The following CLCN4 variants were observed in gnomAD, a reference collection of about 807,000 sequenced individuals.
CLCN4 encodes Cl-/H+ antiporter 4.
CLCN4 carries 1 observed loss-of-function variant against 41.7 expected under a neutral mutation model. That is an observed-to-expected ratio of 0.02 (90% CI 0.01 to 0.11). CLCN4 has a LOEUF of 0.11. Ranked by LOEUF, CLCN4 falls within the 10% of genes least tolerant of loss-of-function variation. The probability of loss-of-function intolerance (pLI) is 1.00; values close to 1 mark genes in which losing one functional copy is unlikely to be tolerated. For synonymous variants in CLCN4, 277 were observed against 285.8 expected, an observed-to-expected ratio of 0.97 and a Z score of 0.31; for missense variants, 287 against 661.0, an observed-to-expected ratio of 0.43 and a Z score of 6.20.
intron 2 of CLCN4, among the ~76,000 whole-genome samples, chrX:10,163,260 G>A (rs1375733756): frequency 8.9e-6 from 1 of 112,640 alleles, no homozygotes; most frequent in Non-Finnish European, 1.9e-5. Flanking sequence ...GAGGTGTGTG[G>A]GGACAGTCCC....
At chrX:10,191,108 AC>A (rs1398021383) in intron 4 of CLCN4, among the ~76,000 whole-genome samples, 1 of 111,778 alleles carries the variant, frequency 8.9e-6, no homozygotes, top group African/African-American at 3.3e-5. Context: ...GAGTTGTACA[AC>A]CATCACCGTG....
At chrX:10,228,529 T>A (rs781256892) in intron 12 of CLCN4, among the ~76,000 whole-genome samples, 1 of 111,321 alleles carries the variant, frequency 9.0e-6, no homozygotes, top group Non-Finnish European at 1.9e-5. Context: ...TCCTTAAGTA[T>A]CCAGATTCCT....
chrX:10,211,880 G>A (rs1175868050), intron 9 of CLCN4, among the ~76,000 whole-genome samples: 1 of 111,852 alleles, frequency 8.9e-6, no homozygotes, highest in Non-Finnish European at 1.9e-5. Context: ...ATACTTATTA[G>A]AAAATGTACT....
At chrX:10,203,908 A>G (rs889302188) in intron 6 of CLCN4, among the ~76,000 whole-genome samples, 29 of 111,839 alleles carry the variant, frequency 2.6e-4, no homozygotes, top group African/African-American at 9.1e-4. Flanking sequence ...CTGACAAGAG[A>G]TAACCTTGTC....
At chrX:10,167,818 G>C (rs188121795) in intron 2 of CLCN4, among the ~76,000 whole-genome samples, 342 of 112,745 alleles carry the variant, frequency 3.0e-3, no homozygotes, top group Middle Eastern at 0.014. Context: ...CATAGAAACC[G>C]TGTGAATGGT....
intron 11 of CLCN4, among the ~76,000 whole-genome samples, chrX:10,220,000 A>G (rs1453900526): frequency 8.9e-6 from 1 of 111,801 alleles, no homozygotes; most frequent in African/African-American, 3.3e-5. Flanking sequence ...GCTAATTGCT[A>G]CCATAACAGT....
intron 2 of CLCN4, among the ~76,000 whole-genome samples, chrX:10,169,055 G>A (rs1923316847): frequency 9.0e-6 from 1 of 110,894 alleles, no homozygotes; most frequent in South Asian, 3.8e-4. Flanking sequence ...GTTCGATTAT[G>A]CTATGCCTTG....
chrX:10,184,924 A>T, intron 2 of CLCN4, 98 bp from the exon 3 acceptor site: 1 of 658,694 alleles, frequency 1.5e-6, no homozygotes, highest in Non-Finnish European at 2.3e-6. Flanking sequence ...TGCTGAAATA[A>T]TTTTTCTTAT....
Position 10,206,345 on chromosome X carries a change from TCC to T in CLCN4, c.556-12_556-11del, listed in dbSNP as rs1350022130. ...GGAGTTCATTCCCTCTTGTTCTCCA[TCC>T]TCTGTTTCAGATAAAGACCATTTTG... On this transcript the variant is annotated splice_polypyrimidine_tract_variant and intron_variant, in intron 6 of 12. Coordinates refer to ENST00000380833, the MANE Select transcript of CLCN4 (RefSeq NM_001830.4). 1 of 1,180,619 alleles carries T rather than the reference TCC, an allele frequency of 8.5e-7. No homozygotes were observed. The highest frequency in any genetic ancestry group is 3.0e-5 in the East Asian group (1 of 33,736).
At chrX:10,223,394 T>G (rs970470139) in intron 12 of CLCN4, among the ~76,000 whole-genome samples, 1 of 111,209 alleles carries the variant, frequency 9.0e-6, no homozygotes, top group Admixed American at 9.5e-5. Context: ...GTGCCGAAAT[T>G]GGCTCTGAAT....
At chrX:10,175,935 C>T (rs112146437) in intron 2 of CLCN4, among the ~76,000 whole-genome samples, 1 of 57,958 alleles carries the variant, frequency 1.7e-5, no homozygotes, top group Non-Finnish European at 2.9e-5. Context: ...TCTCCCCCTC[C>T]CTCCCTCTCC....
At chrX:10,171,088 A>G (rs979645412) in intron 2 of CLCN4, among the ~76,000 whole-genome samples, 2 of 111,607 alleles carry the variant, frequency 1.8e-5, no homozygotes, top group Middle Eastern at 4.6e-3. Context: ...GAGTTTTACC[A>G]TGTTGGTCAG....
intron 3 of CLCN4, among the ~76,000 whole-genome samples, 169 bp from the exon 4 acceptor site, chrX:10,187,346 G>A (rs376467830): frequency 2.7e-5 from 3 of 112,085 alleles, no homozygotes; most frequent in African/African-American, 9.7e-5. Context: ...AAAGCTCGTC[G>A]TACCGTTGCG....
rs1049770598 is a variant in CLCN4 at position 10,193,452 on chromosome X, T to C, written c.245-1459T>C. Reference sequence around the variant, plus strand: ...GGGTCAAGCTTTGAGGAAATGGCCTTTAGAAGTTGGGTGGAGGAGTCAGAA... The same window carrying C: ...GGGTCAAGCTTTGAGGAAATGGCCTCTAGAAGTTGGGTGGAGGAGTCAGAA... On this transcript the variant is annotated intron_variant, in intron 4 of 12. Coordinates refer to ENST00000380833, the MANE Select transcript of CLCN4 (RefSeq NM_001830.4). Among the ~76,000 whole-genome samples the C allele has an allele frequency of 9.0e-5, 10 of 111,375 alleles. No homozygotes were observed. In the South Asian group the frequency reaches 3.3e-3, roughly 37 times the overall value.
intron 12 of CLCN4, among the ~76,000 whole-genome samples, chrX:10,221,888 G>A (rs1175120916): frequency 2.7e-5 from 3 of 111,565 alleles, no homozygotes; most frequent in African/African-American, 6.5e-5. Context: ...TGCATGAACT[G>A]AGGTCGCTTG....
At chrX:10,164,815 C>G (rs2147157300) in intron 2 of CLCN4, among the ~76,000 whole-genome samples, 1 of 112,356 alleles carries the variant, frequency 8.9e-6, no homozygotes, top group African/African-American at 3.2e-5. Flanking sequence ...GAGGAAATGG[C>G]CATGCACATT....
At chrX:10,202,789 T>C (rs1217636544) in intron 6 of CLCN4, among the ~76,000 whole-genome samples, 1 of 109,771 alleles carries the variant, frequency 9.1e-6, no homozygotes, top group African/African-American at 3.3e-5. Flanking sequence ...ATATGAGAAA[T>C]CATACCCTCT....
At chrX:10,183,850 A>G (rs765500134) in intron 2 of CLCN4, among the ~76,000 whole-genome samples, 1 of 112,538 alleles carries the variant, frequency 8.9e-6, no homozygotes, top group Non-Finnish European at 1.9e-5. Context: ...TTTTGACTGC[A>G]TTTTAAGACA....
intron 4 of CLCN4, among the ~76,000 whole-genome samples, chrX:10,192,438 A>G (rs190295298): frequency 2.7e-5 from 3 of 111,424 alleles, no homozygotes; most frequent in East Asian, 5.6e-4. Flanking sequence ...AATCTGGATG[A>G]TAAGTAGGAG....
Sources: gnomAD v4.1 joint callset for allele counts (sites outside exome capture counted in the v4.1 genomes callset) on GRCh38, gnomAD v4.1.1 for gene constraint, MANE v1.5 for transcripts, NCBI Gene and HGNC (gene_info 2026-07-23, HGNC 2026-07-21) for gene names.